The following GRIA4 variants were observed in gnomAD, a reference collection of about 807,000 sequenced individuals.
GRIA4 encodes glutamate receptor 4.
In GRIA4, 34 loss-of-function variants were observed where a neutral mutation model predicts 104.0. That is an observed-to-expected ratio of 0.33 (90% CI 0.25 to 0.44). The LOEUF (loss-of-function observed/expected upper bound fraction) is 0.44. GRIA4 is among the 20% of genes least tolerant of loss of function. The probability of loss-of-function intolerance (pLI) is 1.00; values close to 1 mark genes in which losing one functional copy is unlikely to be tolerated. For missense variants in GRIA4, 750 were observed against 1,096.5 expected, an observed-to-expected ratio of 0.68 and a Z score of 4.46; for synonymous variants, 386 against 381.9, an observed-to-expected ratio of 1.01 and a Z score of -0.13.
At chr11:105,620,864 A>G (rs2135271707) in intron 3 of GRIA4, among the ~76,000 whole-genome samples, 1 of 151,914 alleles carries the variant, frequency 6.6e-6, no homozygotes, top group South Asian at 2.1e-4. Context: ...AGAATGCTTC[A>G]TTTAAATATT....
rs1371107983 is a variant in GRIA4 at position 105,610,282 on chromosome 11, C to T, written c.-237C>T. On this transcript the variant is annotated 5_prime_UTR_variant, in exon 1 of 17. Coordinates refer to ENST00000282499, the MANE Select transcript of GRIA4 (RefSeq NM_000829.4). Reference sequence around the variant, plus strand: ...CCGAGAAGCAGAGGTGCCAGGAAAACCAAGAGAGGGGCGCTGGGGGTGCCC... The same window carrying T: ...CCGAGAAGCAGAGGTGCCAGGAAAATCAAGAGAGGGGCGCTGGGGGTGCCC... The T allele has an allele frequency of 6.6e-6, 1 of 152,450 alleles. No individual in the cohort carries two copies. The highest frequency in any genetic ancestry group is 2.4e-5 in the African/African-American group (1 of 41,452). The allele number at this position is 152,450 out of a possible 1,614,324, so 9.4% of individuals were successfully genotyped here. A position where few individuals can be genotyped will look rare whatever the true frequency, so the allele number is the denominator to read the frequency against.
intron 9 of GRIA4, among the ~76,000 whole-genome samples, chr11:105,907,175 G>C (rs930273258): frequency 1.3e-5 from 2 of 152,134 alleles, no homozygotes; most frequent in Non-Finnish European, 2.9e-5. Flanking sequence ...ATTGAACCAT[G>C]ATGGTAACAA....
intron 4 of GRIA4, among the ~76,000 whole-genome samples, chr11:105,828,696 T>C (rs1321097802): frequency 1.3e-5 from 2 of 151,690 alleles, no homozygotes; most frequent in East Asian, 1.9e-4. Context: ...GCTTTCAGAC[T>C]TTCACTCTTT....
chr11:105,621,099 C>G (rs1950733145), intron 3 of GRIA4, among the ~76,000 whole-genome samples: 1 of 151,660 alleles, frequency 6.6e-6, no homozygotes, highest in African/African-American at 2.4e-5. Flanking sequence ...GAGATGTATT[C>G]CTTCTTTCAA....
At chr11:105,832,334 G>A (rs1409162588) in intron 4 of GRIA4, among the ~76,000 whole-genome samples, 3 of 151,610 alleles carry the variant, frequency 2.0e-5, no homozygotes, top group African/African-American at 7.3e-5. Context: ...AGCTCTCTGA[G>A]GGTCTCCCAG....
At chr11:105,644,765 A>G (rs569802778) in intron 3 of GRIA4, among the ~76,000 whole-genome samples, 1 of 152,344 alleles carries the variant, frequency 6.6e-6, no homozygotes, top group South Asian at 2.1e-4. Flanking sequence ...GCTGAGAGTT[A>G]GGAAATGATA....
At chr11:105,810,851 G>T (rs927782046) in intron 4 of GRIA4, among the ~76,000 whole-genome samples, 2 of 152,022 alleles carry the variant, frequency 1.3e-5, no homozygotes, top group Non-Finnish European at 2.9e-5. Context: ...GTAAGTTGTA[G>T]GTCGCCTTCT....
At chr11:105,897,243 A>T (rs2136125702) in intron 6 of GRIA4, among the ~76,000 whole-genome samples, 1 of 152,146 alleles carries the variant, frequency 6.6e-6, no homozygotes, top group South Asian at 2.1e-4. Flanking sequence ...AATGCAACTG[A>T]TTTGGGGGCA....
At chr11:105,760,860 A>G (rs914169929) in intron 4 of GRIA4, among the ~76,000 whole-genome samples, 1 of 152,010 alleles carries the variant, frequency 6.6e-6, no homozygotes, top group African/African-American at 2.4e-5. Context: ...GATTTTTTTC[A>G]TGTTCGAGTA....
In GRIA4 at chr11:105,979,888, G is replaced by GCA. The variant is rs758064597; in HGVS notation, c.*150_*151dup. ...GTCCTAACGCGCTGGCCGGACATCA[G>GCA]CAGCAGCAACGTGTGCATGAGCTCA... On this transcript the variant is annotated 3_prime_UTR_variant, in exon 17 of 17. Transcript: ENST00000282499. 3 of 555,336 alleles carry GCA rather than the reference G, an allele frequency of 5.4e-6. No homozygotes were observed. The highest frequency in any genetic ancestry group is 9.6e-6 in the Non-Finnish European group (3 of 311,238). 34.4% of individuals were successfully genotyped at this position (555,336 alleles called of 1,614,324 possible).
At chr11:105,820,133 A>T (rs369788925) in intron 4 of GRIA4, among the ~76,000 whole-genome samples, 1 of 152,090 alleles carries the variant, frequency 6.6e-6, no homozygotes, top group South Asian at 2.1e-4. Context: ...CAGACTTCAG[A>T]CTTCTAGCCC....
intron 14 of GRIA4, among the ~76,000 whole-genome samples, chr11:105,960,592 C>T (rs1460219581): frequency 6.6e-6 from 1 of 152,204 alleles, no homozygotes; most frequent in Non-Finnish European, 1.5e-5. Flanking sequence ...CCAGTACTGG[C>T]TGCCGCCCCT....
In GRIA4 at chr11:105,944,714, G is replaced by A. The variant is rs574732766; in HGVS notation, c.2294+10745G>A. Among the ~76,000 whole-genome samples, 9 of 152,060 alleles carry A rather than the reference G, an allele frequency of 5.9e-5. No individual in the cohort carries two copies. The South Asian group carries it at 6.2e-4, about 11-fold the overall frequency. The stretch of plus-strand genomic sequence containing the variant: ...TGGACAGATGCTGCTGCTGCAACTC[G>A]GGTTAAATAGCTGATGAGTGACAGA... On this transcript the variant is annotated intron_variant, in intron 14 of 16. Coordinates refer to ENST00000282499, the MANE Select transcript of GRIA4 (RefSeq NM_000829.4).
intron 3 of GRIA4, among the ~76,000 whole-genome samples, chr11:105,749,108 G>T (rs577532229): frequency 6.6e-6 from 1 of 152,318 alleles, no homozygotes; most frequent in Admixed American, 6.5e-5. Context: ...CATAGTTGTG[G>T]TGTTAGGAAT....
At chr11:105,769,703 GA>G (rs1215258936) in intron 4 of GRIA4, among the ~76,000 whole-genome samples, 2 of 152,010 alleles carry the variant, frequency 1.3e-5, no homozygotes, top group African/African-American at 4.8e-5. Context: ...CAGTATGGAG[GA>G]TGAACCAGAG....
chr11:105,718,587 T>A (rs568064023), intron 3 of GRIA4, among the ~76,000 whole-genome samples: 2 of 152,230 alleles, frequency 1.3e-5, no homozygotes, highest in Admixed American at 1.3e-4. Flanking sequence ...ATACTACAAA[T>A]AGAAAAGAAT....
intron 3 of GRIA4, among the ~76,000 whole-genome samples, chr11:105,730,591 C>T (rs905426038): frequency 3.9e-5 from 6 of 152,084 alleles, no homozygotes; most frequent in Non-Finnish European, 8.8e-5. Context: ...GCAAAAAGAA[C>T]AAAGCTGGAG....
chr11:105,888,480 G>T (rs1321779760), intron 6 of GRIA4, among the ~76,000 whole-genome samples: 1 of 151,130 alleles, frequency 6.6e-6, no homozygotes, highest in East Asian at 1.9e-4. Context: ...TAGAGACGGG[G>T]TTTCACCGTT....
At chr11:105,938,792 A>C (rs1173256332) in intron 14 of GRIA4, among the ~76,000 whole-genome samples, 1 of 152,126 alleles carries the variant, frequency 6.6e-6, no homozygotes, top group African/African-American at 2.4e-5. Context: ...TGTGTGTACC[A>C]AGTATTTTGC....
Sources: allele counts gnomAD v4.1 joint callset (sites outside exome capture counted in the v4.1 genomes callset), GRCh38; gene constraint gnomAD v4.1.1; transcripts MANE v1.5; gene names NCBI Gene and HGNC (gene_info 2026-07-23, HGNC 2026-07-21).